The following ABLIM2 variants were observed in gnomAD, a reference collection of about 807,000 sequenced individuals.
ABLIM2 encodes the protein actin-binding LIM protein 2.
ABLIM2 carries 53 observed loss-of-function variants against 97.7 expected under a neutral mutation model. That is an observed-to-expected ratio of 0.54 (90% CI 0.44 to 0.68). The LOEUF (loss-of-function observed/expected upper bound fraction) is 0.68, where lower values mean the gene tolerates loss of function less well. Ranked by LOEUF, ABLIM2 falls within the 30% of genes least tolerant of loss-of-function variation. The pLI is 0.00. For missense variants in ABLIM2, 835 were observed against 867.2 expected (o/e 0.96, Z 0.47); for synonymous variants, 361 against 345.8 (o/e 1.04, Z -0.49).
In ABLIM2 at chr4:7,966,987, C is replaced by G; in HGVS notation, c.*3G>C. 6.2e-7 allele frequency: 1 copy of G among 1,611,812 alleles called. No homozygotes were observed. The highest frequency in any genetic ancestry group is 8.5e-7 in the Non-Finnish European group (1 of 1,179,124). ...ACACACCAGTGGGGCAGGCTGGCAGCCGTCAGAACAAAAGGGCTTTCTTCT... is the reference window on the plus strand; with the variant it reads ...ACACACCAGTGGGGCAGGCTGGCAGGCGTCAGAACAAAAGGGCTTTCTTCT... On this transcript the variant is annotated 3_prime_UTR_variant, in exon 21 of 21. Coordinates refer to ENST00000447017, the MANE Select transcript of ABLIM2 (RefSeq NM_001130083.2).
At chr4:8,020,130 G>C (rs956950890) in intron 13 of ABLIM2, 72 bp downstream of exon 13, 3 of 1,419,822 alleles carry the variant, frequency 2.1e-6, no homozygotes, top group Non-Finnish European at 2.9e-6. Context: ...CAAGCTGACA[G>C]TTTGGGTGTG....
At chr4:7,982,020 C>T (rs1484583240) in intron 20 of ABLIM2, among the ~76,000 whole-genome samples, 1 of 152,298 alleles carries the variant, frequency 6.6e-6, no homozygotes, top group South Asian at 2.1e-4. Context: ...GCCTTCTCCC[C>T]TCTCTGGCCC....
chr4:8,107,370 A>C (rs910753830), intron 1 of ABLIM2, among the ~76,000 whole-genome samples: 1 of 152,240 alleles, frequency 6.6e-6, no homozygotes, highest in African/African-American at 2.4e-5. Context: ...CACGGCCCAG[A>C]AGCCTCAGGT....
chr4:8,065,817 A>T (rs751913312), intron 6 of ABLIM2, among the ~76,000 whole-genome samples: 1 of 151,958 alleles, frequency 6.6e-6, no homozygotes, highest in African/African-American at 2.4e-5. Flanking sequence ...CCAGCTACTC[A>T]GGAGGCTGAG....
chr4:8,055,358 T>C (rs1346830733), intron 7 of ABLIM2, among the ~76,000 whole-genome samples: 2 of 151,096 alleles, frequency 1.3e-5, no homozygotes, highest in Admixed American at 6.6e-5. Context: ...ACACCCAGCC[T>C]GACCTGCTGC....
chr4:8,137,046 G>A (rs75880920), intron 1 of ABLIM2, among the ~76,000 whole-genome samples: 7,836 of 152,282 alleles, frequency 0.051, 369 homozygotes, highest in Non-Finnish European at 0.071. Flanking sequence ...CCATCTATGA[G>A]GAGGCGGCCC....
chr4:8,125,514 C>G lies in ABLIM2; in HGVS notation c.11-18877G>C, dbSNP rs1847463888. 1.3e-5 allele frequency among the ~76,000 whole-genome samples: 2 copies of G among 152,136 alleles called. No individual in the cohort carries two copies. Among genetic ancestry groups the G allele is most frequent in the Non-Finnish European group, 2.9e-5 (2 of 68,030 alleles). On this transcript the variant is annotated intron_variant, in intron 1 of 20. Transcript: ENST00000447017. The surrounding 1 kb of genome is among the most constrained non-coding windows in gnomAD (Gnocchi z 6.2). ...GTGCCAGACTGCTTCTGGGATGGCT[C>G]TGCCATCAGCGTTGACGGTCTGGTC...
intron 20 of ABLIM2, among the ~76,000 whole-genome samples, chr4:7,975,613 C>T (rs1467585482): frequency 2.0e-5 from 3 of 152,220 alleles, no homozygotes. Context: ...CCAAGGGACT[C>T]ATCTGATTGG....
intron 4 of ABLIM2, among the ~76,000 whole-genome samples, chr4:8,086,363 T>TG (rs1462018250): frequency 4.0e-5 from 6 of 148,440 alleles, no homozygotes; most frequent in Admixed American, 1.4e-4. Flanking sequence ...TTTTTTTTTT[T>TG]TTTTTTGACA....
At chr4:8,135,748 G>A (rs577811086) in intron 1 of ABLIM2, among the ~76,000 whole-genome samples, 17 of 152,362 alleles carry the variant, frequency 1.1e-4, no homozygotes, top group Non-Finnish European at 2.5e-4. Context: ...CGCGGGTTCC[G>A]AAGGACTCGG....
At chr4:8,045,373 G>A (rs751114810) in intron 8 of ABLIM2, 132 bp from the exon 9 acceptor site, 78 of 831,006 alleles carry the variant, frequency 9.4e-5, no homozygotes, top group Non-Finnish European at 1.3e-4. Context: ...GGGCTGGGCC[G>A]GGCACGGCGG....
chr4:8,153,524 G>A (rs925338385), intron 1 of ABLIM2, among the ~76,000 whole-genome samples: 1 of 152,202 alleles, frequency 6.6e-6, no homozygotes, highest in African/African-American at 2.4e-5. Flanking sequence ...TCTGGGTCAG[G>A]GGGGTCTGGC....
rs989276738 is a variant in ABLIM2, at chr4:8,072,097, G to A, written c.675+5531C>T. Reference sequence around the variant, plus strand: ...CACGCCGCCACAGACTCGCCTCCCCGGCAGAGGCGAAAACAAAAGCATTAA... The same window carrying A: ...CACGCCGCCACAGACTCGCCTCCCCAGCAGAGGCGAAAACAAAAGCATTAA... On this transcript the variant is annotated intron_variant, in intron 6 of 20. Transcript: ENST00000447017. The surrounding 1 kb of genome is among the most constrained non-coding windows in gnomAD (Gnocchi z 5.8). 35 of 980,408 alleles carry A rather than the reference G, an allele frequency of 3.6e-5. No homozygotes were observed. The highest frequency in any genetic ancestry group is 5.2e-4 in the Middle Eastern group (1 of 1,910). 60.7% of individuals were successfully genotyped at this position (980,408 alleles called of 1,614,324 possible).
chr4:8,055,094 T>G (rs1297547202), intron 7 of ABLIM2, among the ~76,000 whole-genome samples: 2 of 152,034 alleles, frequency 1.3e-5, no homozygotes, highest in African/African-American at 4.8e-5. Flanking sequence ...GAATTCTACC[T>G]TGTCAGGTCA....
chr4:8,013,605 C>A (rs998007889), intron 14 of ABLIM2, among the ~76,000 whole-genome samples: 1 of 152,176 alleles, frequency 6.6e-6, no homozygotes, highest in Non-Finnish European at 1.5e-5. Flanking sequence ...GACCGAGGTC[C>A]GGAGTCTAAG....
intron 19 of ABLIM2, 75 bp downstream of exon 19, chr4:7,983,472 G>T: frequency 6.3e-7 from 1 of 1,599,906 alleles, no homozygotes; most frequent in Non-Finnish European, 8.5e-7. Flanking sequence ...CATAGGTAAA[G>T]CACAACAGAA....
chr4:8,105,333 C>T (rs1836764224), intron 2 of ABLIM2, among the ~76,000 whole-genome samples: 4 of 152,206 alleles, frequency 2.6e-5, no homozygotes, highest in Admixed American at 2.6e-4. Flanking sequence ...TCGTGTTGCA[C>T]ACCTTACCTA....
chr4:8,156,947 C>A (rs1715570541), intron 1 of ABLIM2, among the ~76,000 whole-genome samples: 1 of 152,230 alleles, frequency 6.6e-6, no homozygotes, highest in Non-Finnish European at 1.5e-5. Flanking sequence ...ATTGCCAGTT[C>A]CAAAGGGCTG....
At chr4:8,065,405 C>T (rs1446958464) in intron 6 of ABLIM2, among the ~76,000 whole-genome samples, 1 of 152,116 alleles carries the variant, frequency 6.6e-6, no homozygotes, top group Non-Finnish European at 1.5e-5. Flanking sequence ...CACTTCATAC[C>T]CATGAGGGTA....
Sources: allele counts gnomAD v4.1 joint callset (sites outside exome capture counted in the v4.1 genomes callset), GRCh38; gene constraint gnomAD v4.1.1; non-coding constraint Gnocchi (gnomAD v3.1); transcripts MANE v1.5; gene names NCBI Gene and HGNC (gene_info 2026-07-23, HGNC 2026-07-21).